The following FER variants were observed in gnomAD, a reference collection of about 807,000 sequenced individuals.
FER encodes FER tyrosine kinase, also known as tyrosine-protein kinase Fer.
FER carries 63 observed loss-of-function variants against 111.0 expected under a neutral mutation model. The ratio of observed to expected loss-of-function variants is 0.57; its 90% CI spans 0.46 to 0.70. The LOEUF (loss-of-function observed/expected upper bound fraction) is 0.70, where lower values mean the gene tolerates loss of function less well. FER is among the 30% of genes least tolerant of loss of function. The probability of loss-of-function intolerance (pLI) is 0.00; values close to 1 mark genes in which losing one functional copy is unlikely to be tolerated. For missense variants in FER, 914 were observed against 954.0 expected, an observed-to-expected ratio of 0.96 and a Z score of 0.55; for synonymous variants, 327 against 313.9, an observed-to-expected ratio of 1.04 and a Z score of -0.44.
intron 13 of FER, among the ~76,000 whole-genome samples, chr5:109,003,185 CTATTCA>C (rs1229532846): frequency 2.0e-5 from 3 of 152,160 alleles, no homozygotes; most frequent in Non-Finnish European, 2.9e-5. Flanking sequence ...TATTGAAGCA[CTATTCA>C]CAATAGCAAA....
chr5:108,915,933 T>C (rs1180443514), intron 10 of FER, among the ~76,000 whole-genome samples: 3 of 152,132 alleles, frequency 2.0e-5, no homozygotes, highest in African/African-American at 7.2e-5. Flanking sequence ...CTTCTTTCAC[T>C]TTTCCCATAC....
intron 13 of FER, among the ~76,000 whole-genome samples, chr5:109,023,540 A>G (rs1044693287): frequency 5.3e-5 from 8 of 152,196 alleles, no homozygotes; most frequent in Admixed American, 3.3e-4. Context: ...TGTCGGCAGT[A>G]TTCTTTCCTA....
intron 2 of FER, among the ~76,000 whole-genome samples, chr5:108,782,021 C>A (rs1407737263): frequency 2.0e-5 from 3 of 151,896 alleles, no homozygotes; most frequent in Non-Finnish European, 4.4e-5. Flanking sequence ...ATGACTGAGT[C>A]CCCCTGGCTT....
intron 17 of FER, among the ~76,000 whole-genome samples, chr5:109,127,358 A>G (rs1582156121): frequency 6.6e-6 from 1 of 152,268 alleles, no homozygotes; most frequent in Middle Eastern, 3.4e-3. Context: ...TAATGTTCAT[A>G]TAATATGTGC....
At chr5:109,051,501 C>T (rs1041687761) in intron 16 of FER, 224 of 1,609,802 alleles carry the variant, frequency 1.4e-4, no homozygotes, top group Non-Finnish European at 1.7e-4. Flanking sequence ...CCGCCTGCCC[C>T]ATTCGATTTT....
At chr5:109,005,425 A>G (rs552017555) in intron 13 of FER, among the ~76,000 whole-genome samples, 1 of 152,186 alleles carries the variant, frequency 6.6e-6, no homozygotes, top group Admixed American at 6.5e-5. Flanking sequence ...ATACTTATGT[A>G]ACACATACAT....
intron 13 of FER, among the ~76,000 whole-genome samples, chr5:108,962,944 T>C (rs56792678): frequency 0.068 from 10,292 of 152,192 alleles, 837 homozygotes; most frequent in African/African-American, 0.19. Flanking sequence ...ATAAACTGTT[T>C]AATTAATATG....
rs1760829498 is a variant in FER at position 108,837,861 on chromosome 5, G to C, written c.481+2054G>C. Among the ~76,000 whole-genome samples the C allele has an allele frequency of 2.0e-5, 3 of 152,064 alleles. No homozygotes were observed. In the South Asian group the frequency reaches 6.2e-4, roughly 31 times the overall value. ...CTGAAGATCATACTTGTAATAAATT[G>C]TAAGAAGTGAATTATTTGAATCTTT... On this transcript the variant is annotated intron_variant, in intron 5 of 19. Transcript: ENST00000281092.
intron 18 of FER, 28 bp from the exon 19 acceptor site, chr5:109,186,172 G>A (rs1758845136): frequency 1.2e-6 from 2 of 1,613,926 alleles, no homozygotes; most frequent in African/African-American, 2.7e-5. Context: ...TGTGCCTCAT[G>A]TGGTTATGGT....
At chr5:109,171,260 G>C (rs974697668) in intron 17 of FER, among the ~76,000 whole-genome samples, 1 of 152,100 alleles carries the variant, frequency 6.6e-6, no homozygotes, top group African/African-American at 2.4e-5. Context: ...AGAAAATCAA[G>C]AACTGGTGCT....
At chr5:109,058,847 C>G (rs1774005511) in intron 16 of FER, among the ~76,000 whole-genome samples, 1 of 150,784 alleles carries the variant, frequency 6.6e-6, no homozygotes, top group Admixed American at 6.6e-5. Flanking sequence ...ATTCTCCTGC[C>G]TCAGCCTCCC....
chr5:109,090,245 A>T (rs1778016895), intron 16 of FER, among the ~76,000 whole-genome samples: 1 of 152,122 alleles, frequency 6.6e-6, no homozygotes, highest in Admixed American at 6.6e-5. Context: ...TAAAAAAGAC[A>T]ACTGCAAACT....
chr5:108,880,354 G>A (rs944263854), intron 8 of FER, among the ~76,000 whole-genome samples: 3 of 152,078 alleles, frequency 2.0e-5, no homozygotes, highest in Admixed American at 6.6e-5. Flanking sequence ...ATAAGAAGCT[G>A]GTTGTTTTTT....
chr5:108,935,287 T>G (rs1462856710), intron 10 of FER, among the ~76,000 whole-genome samples: 2 of 152,042 alleles, frequency 1.3e-5, no homozygotes, highest in Non-Finnish European at 2.9e-5. Context: ...TATCCTAGCT[T>G]CTTGTGGCTG....
chr5:109,123,431 A>G (rs1751270095), intron 17 of FER, among the ~76,000 whole-genome samples: 1 of 150,658 alleles, frequency 6.6e-6, no homozygotes, highest in South Asian at 2.1e-4. Flanking sequence ...CTGGGATTAC[A>G]GGTGTGAGCC....
chr5:108,954,505 T>C (rs1294398345), intron 11 of FER, among the ~76,000 whole-genome samples: 1 of 152,100 alleles, frequency 6.6e-6, no homozygotes, highest in Non-Finnish European at 1.5e-5. Flanking sequence ...TAATATTGTG[T>C]CTACCTTTGT....
At chr5:108,779,580 A>T (rs867914524) in intron 2 of FER, among the ~76,000 whole-genome samples, 16 of 152,172 alleles carry the variant, frequency 1.1e-4, no homozygotes, top group Admixed American at 2.0e-4. Context: ...TTTTACTTTC[A>T]AATTGTACTT....
At chr5:109,012,468 C>G (rs1210799620) in intron 13 of FER, among the ~76,000 whole-genome samples, 1 of 152,192 alleles carries the variant, frequency 6.6e-6, no homozygotes, top group Non-Finnish European at 1.5e-5. Context: ...ATTTAGTCAT[C>G]TTTAAGAGGC....
chr5:109,145,115 T>C (rs536295047), intron 17 of FER, among the ~76,000 whole-genome samples: 86 of 152,130 alleles, frequency 5.7e-4, no homozygotes, highest in African/African-American at 1.6e-3. Context: ...TAATAATGCA[T>C]GGCAAACTCA....
Sources: allele counts gnomAD v4.1 joint callset (sites outside exome capture counted in the v4.1 genomes callset), GRCh38; gene constraint gnomAD v4.1.1; transcripts MANE v1.5; gene names NCBI Gene and HGNC (gene_info 2026-07-23, HGNC 2026-07-21).